ATRNL1: variants seen among roughly 807,000 people sequenced by gnomAD.
The protein encoded by ATRNL1 is attractin like 1.
A neutral mutation model predicts 182.7 loss-of-function variants in ATRNL1; 95 were observed. The observed-to-expected ratio is 0.52, with a 90% CI of 0.44 to 0.62. ATRNL1 has a LOEUF of 0.62. Ranked by LOEUF, ATRNL1 falls within the 20% of genes least tolerant of loss-of-function variation. The pLI is 0.00. For synonymous variants in ATRNL1, 576 were observed against 568.3 expected (o/e 1.01, Z -0.19); for missense variants, 1,471 against 1,679.5 (o/e 0.88, Z 2.17).
intron 10 of ATRNL1, among the ~76,000 whole-genome samples, chr10:115,244,670 T>C (rs908637056): frequency 6.6e-6 from 1 of 152,194 alleles, no homozygotes; most frequent in African/African-American, 2.4e-5. Context: ...GATTTGAGAA[T>C]CCAAAAACTT....
chr10:115,829,431 A>G (rs1555092910), intron 27 of ATRNL1, among the ~76,000 whole-genome samples: 1 of 151,902 alleles, frequency 6.6e-6, no homozygotes, highest in African/African-American at 2.4e-5. Context: ...TCTGTATTAC[A>G]TGATCAAGCT....
intron 7 of ATRNL1, among the ~76,000 whole-genome samples, chr10:115,169,017 CT>C (rs71010011): frequency 0.071 from 7,356 of 104,148 alleles, 533 homozygotes; most frequent in African/African-American, 0.23. Context: ...GGTGCAAGTT[CT>C]TTTTTTTTTT....
intron 10 of ATRNL1, among the ~76,000 whole-genome samples, chr10:115,252,357 C>G (rs1203439739): frequency 6.6e-6 from 1 of 152,094 alleles, no homozygotes; most frequent in Non-Finnish European, 1.5e-5. Context: ...GTCGTATACT[C>G]TCTTTCTTTC....
At chr10:115,899,411 C>T (rs886932179) in intron 28 of ATRNL1, among the ~76,000 whole-genome samples, 9 of 152,198 alleles carry the variant, frequency 5.9e-5, no homozygotes, top group African/African-American at 1.4e-4. Context: ...CAGGTTCAAG[C>T]GATTCTCCTG....
At chr10:115,153,684 A>G (rs748926572) in intron 5 of ATRNL1, among the ~76,000 whole-genome samples, 35 of 151,344 alleles carry the variant, frequency 2.3e-4, no homozygotes, top group Non-Finnish European at 3.8e-4. Flanking sequence ...GGATTCATTG[A>G]TTTTTTTGAA....
chr10:115,824,346 A>G (rs113525675), intron 27 of ATRNL1, among the ~76,000 whole-genome samples: 24,954 of 152,176 alleles, frequency 0.16, 2,252 homozygotes, highest in Non-Finnish European at 0.2. Context: ...CCTAGGCAAT[A>G]CCATTCAGGA....
rs372092569 is a variant in ATRNL1 at position 115,152,521 on chromosome 10, A to G, written c.830-7519A>G. Among the ~76,000 whole-genome samples, 105 of 151,822 alleles carry G rather than the reference A, an allele frequency of 6.9e-4. 1 individual carries two copies. The highest frequency in any genetic ancestry group is 2.1e-3 in the African/African-American group (88 of 41,350). On this transcript the variant is annotated intron_variant, in intron 5 of 28. Coordinates refer to ENST00000355044, the MANE Select transcript of ATRNL1 (RefSeq NM_207303.4). ...TCATGATTTGGCTCTGTGTTTGTCT[A>G]TTATTGGTGTATAAGAATGCTTGTG...
chr10:115,565,883 C>G (rs1854047346), intron 26 of ATRNL1, among the ~76,000 whole-genome samples: 1 of 151,956 alleles, frequency 6.6e-6, no homozygotes, highest in Non-Finnish European at 1.5e-5. Context: ...CATTAATTTC[C>G]ATAGACGTAC....
At chr10:115,588,568 A>G (rs1855713789) in intron 26 of ATRNL1, among the ~76,000 whole-genome samples, 1 of 152,174 alleles carries the variant, frequency 6.6e-6, no homozygotes, top group Admixed American at 6.5e-5. Flanking sequence ...AACAACAAAA[A>G]TTGGGGTGCT....
chr10:115,870,430 A>G (rs1243730264), intron 28 of ATRNL1, among the ~76,000 whole-genome samples: 1 of 152,232 alleles, frequency 6.6e-6, no homozygotes, highest in Non-Finnish European at 1.5e-5. Context: ...GTAGCAAAGT[A>G]TACCAATATG....
chr10:115,350,334 C>CAAAAAAAAAAAAAA lies in ATRNL1; in HGVS notation c.3175+15926_3175+15927insAAAAAAAAAAAAAA, dbSNP rs1424122017. 1.0e-3 allele frequency among the ~76,000 whole-genome samples: 31 copies of CAAAAAAAAAAAAAA among 29,730 alleles called. 5 individuals carry two copies. Among genetic ancestry groups the CAAAAAAAAAAAAAA allele is most frequent in the Non-Finnish European group, 1.4e-3 (27 of 19,354 alleles). The allele number at this position is 29,730 out of a possible 152,430, so 19.5% of individuals were successfully genotyped here. On this transcript the variant is annotated intron_variant, in intron 19 of 28. Coordinates refer to ENST00000355044, the MANE Select transcript of ATRNL1 (RefSeq NM_207303.4). ...CTGGTGACAGAGCAAGACTCTGTCT[C>CAAAAAAAAAAAAAA]AAAAAAAAAAAGAAAAAAAAAAAAA...
intron 10 of ATRNL1, among the ~76,000 whole-genome samples, chr10:115,263,869 A>G (rs1369782435): frequency 2.0e-5 from 3 of 151,744 alleles, no homozygotes; most frequent in African/African-American, 4.8e-5. Flanking sequence ...TCTTTGGATA[A>G]AACATTGGGA....
intron 5 of ATRNL1, among the ~76,000 whole-genome samples, chr10:115,147,450 G>A (rs1377550117): frequency 6.6e-6 from 1 of 152,076 alleles, no homozygotes; most frequent in Admixed American, 6.6e-5. Context: ...TTCCTTTGCT[G>A]TGCAGAAGCT....
chr10:115,658,592 C>T (rs1555036742), intron 26 of ATRNL1, among the ~76,000 whole-genome samples: 1 of 151,908 alleles, frequency 6.6e-6, no homozygotes, highest in Non-Finnish European at 1.5e-5. Context: ...AGGGAGAGTT[C>T]CAGGGGGTAT....
At chr10:115,135,414 A>G (rs545517098) in intron 5 of ATRNL1, among the ~76,000 whole-genome samples, 50 of 152,366 alleles carry the variant, frequency 3.3e-4, no homozygotes, top group African/African-American at 1.2e-3. Flanking sequence ...GAGCCAAATC[A>G]TGAGTGAACT....
At chr10:115,366,647 C>T (rs1207832517) in intron 19 of ATRNL1, among the ~76,000 whole-genome samples, 5 of 149,268 alleles carry the variant, frequency 3.3e-5, no homozygotes, top group African/African-American at 5.0e-5. Flanking sequence ...GATTTTGCAG[C>T]GGCTGGTACC....
At chr10:115,379,026 T>C (rs1449444936) in intron 19 of ATRNL1, among the ~76,000 whole-genome samples, 6 of 152,178 alleles carry the variant, frequency 3.9e-5, no homozygotes, top group Admixed American at 3.3e-4. Context: ...TTTATGTTTC[T>C]AAAGTGTTTT....
At chr10:115,377,503 A>T (rs1297405742) in intron 19 of ATRNL1, among the ~76,000 whole-genome samples, 1 of 152,202 alleles carries the variant, frequency 6.6e-6, no homozygotes, top group Non-Finnish European at 1.5e-5. Context: ...TGCATCTCAT[A>T]AAGCATCTTT....
intron 27 of ATRNL1, among the ~76,000 whole-genome samples, chr10:115,733,438 G>A (rs782163206): frequency 3.3e-5 from 5 of 152,154 alleles, no homozygotes; most frequent in Non-Finnish European, 7.3e-5. Flanking sequence ...CTCTAACAGT[G>A]CTAATTTTGA....
Sources: allele counts gnomAD v4.1 joint callset (sites outside exome capture counted in the v4.1 genomes callset), GRCh38; gene constraint gnomAD v4.1.1; transcripts MANE v1.5; gene names NCBI Gene and HGNC (gene_info 2026-07-23, HGNC 2026-07-21).